Variants in ADGRA1 observed in about 807,000 individuals in gnomAD.
ADGRA1 encodes adhesion G protein-coupled receptor A1.
In ADGRA1, 12 loss-of-function variants were observed where a neutral mutation model predicts 21.3. The observed-to-expected ratio is 0.56, with a 90% CI of 0.36 to 0.91. ADGRA1 has a LOEUF of 0.91. Among genes scored for constraint, ADGRA1 ranks in the 40% least tolerant of loss-of-function variants. ADGRA1 has a pLI of 0.01. For synonymous variants in ADGRA1, 385 were observed against 368.8 expected, an observed-to-expected ratio of 1.04 and a Z score of -0.50; for missense variants, 790 against 805.6, an observed-to-expected ratio of 0.98 and a Z score of 0.23.
chr10:133,121,771 TGA>T (rs1014610015), intron 5 of ADGRA1, among the ~76,000 whole-genome samples: 4 of 142,094 alleles, frequency 2.8e-5, no homozygotes, highest in African/African-American at 5.4e-5. Flanking sequence ...TGTGCAAGTG[TGA>T]GTGTGCGTGT....
chr10:133,105,994 T>A, intron 5 of ADGRA1, among the ~76,000 whole-genome samples: 1 of 152,152 alleles, frequency 6.6e-6, no homozygotes, highest in Non-Finnish European at 1.5e-5. Context: ...TGGTCTCATC[T>A]CCCCTTAGTC....
chr10:133,106,973 G>A (rs1301218003), intron 5 of ADGRA1, among the ~76,000 whole-genome samples: 1 of 152,258 alleles, frequency 6.6e-6, no homozygotes, highest in East Asian at 1.9e-4. Flanking sequence ...CAATTCGTGA[G>A]CACAGGACGT....
At chr10:133,095,103 A>G (rs928407974) in intron 2 of ADGRA1, among the ~76,000 whole-genome samples, 5 of 152,144 alleles carry the variant, frequency 3.3e-5, no homozygotes, top group African/African-American at 9.7e-5. Flanking sequence ...GGACGTGCGA[A>G]TGTCCACAGT....
chr10:133,089,548 G>A (rs961908703), intron 2 of ADGRA1, among the ~76,000 whole-genome samples: 1 of 152,220 alleles, frequency 6.6e-6, no homozygotes, highest in East Asian at 1.9e-4. Flanking sequence ...GTTCCGGAAG[G>A]GCTGACAGCT....
intron 5 of ADGRA1, among the ~76,000 whole-genome samples, chr10:133,121,971 GTGTGTA>G (rs937443093): frequency 4.2e-5 from 6 of 141,718 alleles, no homozygotes; most frequent in African/African-American, 1.3e-4. Context: ...GTGCATGCCT[GTGTGTA>G]TGTGTGTGCC....
Position 133,098,721 on chromosome 10 carries a change from C to T in ADGRA1, c.213C>T (p.Ala71=), listed in dbSNP as rs140242007. The T allele has an allele frequency of 8.1e-6, 13 of 1,611,806 alleles. No individual in the cohort carries two copies. Among genetic ancestry groups the T allele is most frequent in the African/African-American group, 5.3e-5 (4 of 74,942 alleles). The change falls in exon 4 of 7, where the codon GCC becomes GCT. Residue 71 remains alanine, a synonymous_variant. Transcript: ENST00000392607. ...CGGCCCTGACCTTCACTGTGTTCGCCGGCGGCATCAATCGCACCAAGTACC... is the reference window on the plus strand; with the variant it reads ...CGGCCCTGACCTTCACTGTGTTCGCTGGCGGCATCAATCGCACCAAGTACC... ...FHAALTFTVF[A]GGINRTKYPI...
At chr10:133,101,127 C>T (rs1480342609) in intron 4 of ADGRA1, among the ~76,000 whole-genome samples, 2 of 152,210 alleles carry the variant, frequency 1.3e-5, no homozygotes, top group African/African-American at 4.8e-5. Context: ...GGAAGGAGAC[C>T]TGAGGGTCTA....
chr10:133,119,310 G>A (rs1385984182), intron 5 of ADGRA1, among the ~76,000 whole-genome samples: 15 of 152,298 alleles, frequency 9.8e-5, no homozygotes, highest in Admixed American at 2.0e-4. Flanking sequence ...ATCTTCCTGC[G>A]GGTGGAGGGT....
At position 133,127,350 on chromosome 10, in the gene ADGRA1, G is replaced by A; in HGVS notation, c.500+19G>A. 2 of 1,567,526 alleles carry A rather than the reference G, an allele frequency of 1.3e-6. No individual in the cohort carries two copies. The highest frequency in any genetic ancestry group is 1.7e-6 in the Non-Finnish European group (2 of 1,153,954). On this transcript the variant is annotated intron_variant, in intron 6 of 6. Coordinates refer to ENST00000392607, the MANE Select transcript of ADGRA1 (RefSeq NM_001083909.3). ...CGGCGTAGTGAGTACCGGGCACCCA[G>A]AACCGGGAGCTGGGAGCAGCGGGTG...
Position 133,128,764 on chromosome 10 carries a change from C to T in ADGRA1, c.936C>T (p.Asp312=), listed in dbSNP as rs1192586829. 4 of 1,611,520 alleles carry T rather than the reference C, an allele frequency of 2.5e-6. No individual in the cohort carries two copies. Among genetic ancestry groups the T allele is most frequent in the East Asian group, 2.2e-5 (1 of 44,856 alleles). Residue 312 remains aspartate (D), a synonymous_variant, in exon 7 of 7, where the codon GAC becomes GAT. Coordinates refer to ENST00000392607, the MANE Select transcript of ADGRA1 (RefSeq NM_001083909.3). ...TCCACCACTGCGCCAAGCGTGAGGACGTGTGGCAGTGCTGGTGGGCATGCT... is the reference window on the plus strand; with the variant it reads ...TCCACCACTGCGCCAAGCGTGAGGATGTGTGGCAGTGCTGGTGGGCATGCT... ...VLIHHCAKRE[D]VWQCWWACCP... is the part of the protein sequence containing the mutation.
intron 5 of ADGRA1, among the ~76,000 whole-genome samples, chr10:133,123,140 C>G (rs568790459): frequency 3.2e-4 from 48 of 152,340 alleles, no homozygotes; most frequent in African/African-American, 1.2e-3. Context: ...GGGCTCAGCT[C>G]TAAGCCTGCT....
At position 133,111,763 on chromosome 10, in the gene ADGRA1, A is replaced by ATGAGCACCTCCCTCCTAATGCCTC. The variant is rs1852014320; in HGVS notation, c.401+8921_401+8922insTGAGCACCTCCCTCCTAATGCCTC. Among the ~76,000 whole-genome samples, 2 of 118,210 alleles carry ATGAGCACCTCCCTCCTAATGCCTC rather than the reference A, an allele frequency of 1.7e-5. 1 individual carries two copies. Among genetic ancestry groups the ATGAGCACCTCCCTCCTAATGCCTC allele is most frequent in the East Asian group, 6.3e-4 (2 of 3,164 alleles). The allele number at this position is 118,210 out of a possible 152,430, so 77.6% of individuals were successfully genotyped here. ...AATCCCACCAGACAACCTGCCCGCC[A>ATGAGCACCTCCCTCCTAATGCCTC]CAGACACCTCCCTCCTAATCCCTCC... On this transcript the variant is annotated intron_variant, in intron 5 of 6. Coordinates refer to ENST00000392607, the MANE Select transcript of ADGRA1 (RefSeq NM_001083909.3).
intron 2 of ADGRA1, among the ~76,000 whole-genome samples, chr10:133,091,036 G>T (rs931685526): frequency 2.0e-5 from 3 of 152,222 alleles, no homozygotes; most frequent in African/African-American, 7.2e-5. Context: ...CACTGTTAAC[G>T]AGCAAAAGCA....
At chr10:133,125,872 C>T (rs1852367312) in intron 5 of ADGRA1, among the ~76,000 whole-genome samples, 1 of 152,246 alleles carries the variant, frequency 6.6e-6, no homozygotes, top group South Asian at 2.1e-4. Context: ...CTGCCTCCCA[C>T]CTTTCCTCCT....
Position 133,088,869 on chromosome 10 carries a change from TC to T in ADGRA1, c.-39del. 1 of 1,238,022 alleles carries T rather than the reference TC, an allele frequency of 8.1e-7. No homozygotes were observed. The highest frequency in any genetic ancestry group is 1.0e-6 in the Non-Finnish European group (1 of 988,210). The allele number at this position is 1,238,022 out of a possible 1,614,324, so 76.7% of individuals were successfully genotyped here. A position where few individuals can be genotyped will look rare whatever the true frequency, so the allele number is the denominator to read the frequency against. On this transcript the variant is annotated 5_prime_UTR_variant, in exon 2 of 7. Transcript: ENST00000392607. ...ACCTGATCGCCTCCCCCTGGACGCCTCCTCCAGCGGCGCTCACGCTTCCGCA... is the reference window on the plus strand; with the variant it reads ...ACCTGATCGCCTCCCCCTGGACGCCTCTCCAGCGGCGCTCACGCTTCCGCA...
chr10:133,113,339 T>A (rs1852098931), intron 5 of ADGRA1, among the ~76,000 whole-genome samples: 1 of 152,236 alleles, frequency 6.6e-6, no homozygotes. Flanking sequence ...CGGCCCGGCT[T>A]GCCGAGGATG....
intron 5 of ADGRA1, among the ~76,000 whole-genome samples, chr10:133,123,108 G>A (rs1053550028): frequency 9.8e-5 from 15 of 152,346 alleles, no homozygotes; most frequent in Middle Eastern, 3.4e-3. Context: ...CAGGTGGTCT[G>A]CAGGCTCGTC....
In ADGRA1 at chr10:133,125,579, A is replaced by G. The variant is rs199726915; in HGVS notation, c.402-1654A>G. On this transcript the variant is annotated intron_variant, in intron 5 of 6. Transcript: ENST00000392607. Reference sequence around the variant, plus strand: ...GCTGGGACTACAGGCGCCCGCCACCACGCCCGGCTAATTTTTTTTTTTGTA... The same window carrying G: ...GCTGGGACTACAGGCGCCCGCCACCGCGCCCGGCTAATTTTTTTTTTTGTA... Among the ~76,000 whole-genome samples, 21 of 148,826 alleles carry G rather than the reference A, an allele frequency of 1.4e-4. No individual in the cohort carries two copies. The South Asian group carries it at 4.3e-3, about 30-fold the overall frequency.
chr10:133,101,610 G>T (rs958175118), intron 4 of ADGRA1, among the ~76,000 whole-genome samples: 4 of 152,180 alleles, frequency 2.6e-5, no homozygotes, highest in Non-Finnish European at 5.9e-5. Flanking sequence ...ACAGCCCCAC[G>T]GCTGCTTCCT....
Sources: gnomAD v4.1 joint callset for allele counts (sites outside exome capture counted in the v4.1 genomes callset) on GRCh38, gnomAD v4.1.1 for gene constraint, MANE v1.5 for transcripts, NCBI Gene and HGNC (gene_info 2026-07-23, HGNC 2026-07-21) for gene names.